Variants in PARP4 observed in about 807,000 individuals in gnomAD.
PARP4 encodes poly(ADP-ribose) polymerase family member 4.
A neutral mutation model predicts 187.7 loss-of-function variants in PARP4; 120 were observed. The ratio of observed to expected loss-of-function variants is 0.64; its 90% confidence interval spans 0.55 to 0.74. The LOEUF (loss-of-function observed/expected upper bound fraction) is 0.74, where lower values mean the gene tolerates loss of function less well. Among genes scored for constraint, PARP4 ranks in the 30% least tolerant of loss-of-function variants. PARP4 has a pLI of 0.00. For missense variants in PARP4, 1,836 were observed against 2,070.5 expected (o/e 0.89, Z 2.20); for synonymous variants, 654 against 740.9 (o/e 0.88, Z 1.90).
intron 1 of PARP4, among the ~76,000 whole-genome samples, chr13:24,505,321 G>A (rs568421016): frequency 2.6e-5 from 4 of 152,220 alleles, no homozygotes; most frequent in South Asian, 2.1e-4. Context: ...GGGCGGGAGG[G>A]GTCTGGGCAG....
At chr13:24,480,254 TTG>T (rs199837376) in intron 12 of PARP4, among the ~76,000 whole-genome samples, 1,642 of 152,300 alleles carry the variant, frequency 0.011, 39 homozygotes, top group African/African-American at 0.036. Context: ...GGCAAATGTT[TTG>T]TGTGTTCTGA....
chr13:24,446,284 TGAA>T (rs1329768000), intron 27 of PARP4, among the ~76,000 whole-genome samples: 1 of 152,218 alleles, frequency 6.6e-6, no homozygotes, highest in East Asian at 1.9e-4. Flanking sequence ...CTACCCCAGA[TGAA>T]GAAGTGCTGC....
chr13:24,512,684 C>T (rs1482417970), intron 1 of PARP4, 22 bp downstream of exon 1: 1 of 152,668 alleles, frequency 6.6e-6, no homozygotes, highest in Non-Finnish European at 1.5e-5. Flanking sequence ...TTGCAGCCCC[C>T]CACCCCGCAG....
In PARP4 at chr13:24,431,494, C is replaced by T; in HGVS notation, c.4747-18G>A. 6.9e-7 allele frequency: 1 copy of T among 1,456,438 alleles called. No individual in the cohort carries two copies. The highest frequency in any genetic ancestry group is 9.5e-7 in the Non-Finnish European group (1 of 1,048,342). The allele number at this position is 1,456,438 out of a possible 1,614,324, so 90.2% of individuals were successfully genotyped here. On this transcript the variant is annotated intron_variant, in intron 31 of 33. Coordinates refer to ENST00000381989, the MANE Select transcript of PARP4 (RefSeq NM_006437.4). Reference sequence around the variant, plus strand: ...AAGCCATCCTACAAAATTAAGGAAACAAAAATAAGTTATGTTATTCACATT... The same window carrying T: ...AAGCCATCCTACAAAATTAAGGAAATAAAAATAAGTTATGTTATTCACATT...
At chr13:24,476,203 T>C (rs1872976991) in intron 14 of PARP4, among the ~76,000 whole-genome samples, 1 of 152,000 alleles carries the variant, frequency 6.6e-6, no homozygotes, top group African/African-American at 2.4e-5. Flanking sequence ...GGTTTTGAAC[T>C]CCTGTGCTCA....
chr13:24,501,316 C>T (rs561518524), intron 3 of PARP4, among the ~76,000 whole-genome samples: 2 of 152,252 alleles, frequency 1.3e-5, no homozygotes, highest in South Asian at 4.1e-4. Flanking sequence ...AATTTCCAGT[C>T]ATTAGGTTGT....
At chr13:24,448,727 C>G (rs1341421260) in intron 25 of PARP4, among the ~76,000 whole-genome samples, 1 of 152,142 alleles carries the variant, frequency 6.6e-6, no homozygotes, top group African/African-American at 2.4e-5. Flanking sequence ...AAGTGTCCAC[C>G]GATAGATGAA....
chr13:24,471,151 T>C (rs1807109), intron 15 of PARP4, among the ~76,000 whole-genome samples: 44,151 of 152,162 alleles, frequency 0.29, 7,208 homozygotes, highest in South Asian at 0.46. Flanking sequence ...TCCCCTTGAC[T>C]GTGCACGGAA....
At chr13:24,487,005 T>G (rs1281716909) in intron 10 of PARP4, among the ~76,000 whole-genome samples, 3 of 151,910 alleles carry the variant, frequency 2.0e-5, no homozygotes, top group African/African-American at 7.3e-5. Context: ...CTCACCCCTG[T>G]AACCCCAGCA....
intron 2 of PARP4, among the ~76,000 whole-genome samples, chr13:24,502,671 A>G (rs187416514): frequency 3.9e-5 from 6 of 152,390 alleles, no homozygotes; most frequent in African/African-American, 9.6e-5. Context: ...TTGCACTCAC[A>G]GTATGTGACT....
intron 26 of PARP4, 50 bp from the exon 27 acceptor site, chr13:24,446,811 T>C (rs1871234386): frequency 7.4e-7 from 1 of 1,355,510 alleles, no homozygotes; most frequent in African/African-American, 1.4e-5. Flanking sequence ...CACTCTGCAG[T>C]GTCTTGGTTT....
At chr13:24,424,821 G>A (rs1180187191) in intron 33 of PARP4, among the ~76,000 whole-genome samples, 4 of 148,190 alleles carry the variant, frequency 2.7e-5, no homozygotes, top group East Asian at 4.0e-4. Flanking sequence ...ACAGGCACCC[G>A]CCATCACACC....
chr13:24,505,713 A>G (rs1334322309), intron 1 of PARP4, among the ~76,000 whole-genome samples: 1 of 152,204 alleles, frequency 6.6e-6, no homozygotes, highest in Non-Finnish European at 1.5e-5. Context: ...CATTTTTAGT[A>G]AAGACAGGGT....
intron 20 of PARP4, among the ~76,000 whole-genome samples, chr13:24,458,217 C>T (rs966794287): frequency 2.0e-5 from 3 of 151,486 alleles, no homozygotes; most frequent in African/African-American, 7.3e-5. Flanking sequence ...TCACGCCATT[C>T]TCCTGCCTCA....
At chr13:24,490,475 G>A (rs147673286) in intron 10 of PARP4, among the ~76,000 whole-genome samples, 193 bp downstream of exon 10, 9 of 152,288 alleles carry the variant, frequency 5.9e-5, no homozygotes, top group African/African-American at 1.9e-4. Context: ...GTGGAATATA[G>A]AGGGTGTTTT....
intron 17 of PARP4, among the ~76,000 whole-genome samples, chr13:24,465,461 G>A (rs989447803): frequency 6.9e-5 from 5 of 72,490 alleles, no homozygotes; most frequent in Non-Finnish European, 1.6e-4. Context: ...TGCAGACCAT[G>A]TCCTTTGCAG....
At chr13:24,457,795 A>C (rs987029005) in intron 20 of PARP4, among the ~76,000 whole-genome samples, 1 of 148,262 alleles carries the variant, frequency 6.7e-6, no homozygotes, top group African/African-American at 2.5e-5. Flanking sequence ...AAAAAAAAAA[A>C]AGAAAAAAGA....
rs752567521 is a variant in PARP4 at position 24,478,315 on chromosome 13, G to A, written c.1449-39C>T. 24 of 1,364,082 alleles carry A rather than the reference G, an allele frequency of 1.8e-5. No individual in the cohort carries two copies. The African/African-American group carries it at 3.2e-4, about 18-fold the overall frequency. The allele number at this position is 1,364,082 out of a possible 1,614,324, so 84.5% of individuals were successfully genotyped here. A position where few individuals can be genotyped will look rare whatever the true frequency, so the allele number is the denominator to read the frequency against. On this transcript the variant is annotated intron_variant, in intron 12 of 33. Coordinates refer to ENST00000381989, the MANE Select transcript of PARP4 (RefSeq NM_006437.4). ...GAAATAAACACATATTTACAGCTTA[G>A]AGTGACTTGTCAATAACATACTATT...
intron 10 of PARP4, among the ~76,000 whole-genome samples, chr13:24,487,718 A>G (rs1343451980): frequency 6.6e-6 from 1 of 152,108 alleles, no homozygotes; most frequent in East Asian, 1.9e-4. Flanking sequence ...TCAGGTCAGC[A>G]CCTTGACATT....
Sources: allele counts gnomAD v4.1 joint callset (sites outside exome capture counted in the v4.1 genomes callset), GRCh38; gene constraint gnomAD v4.1.1; transcripts MANE v1.5; gene names NCBI Gene and HGNC (gene_info 2026-07-23, HGNC 2026-07-21).